The following CDH13 variants were observed in gnomAD, a reference collection of about 807,000 sequenced individuals.
CDH13 encodes the protein cadherin-13.
In CDH13, 24 loss-of-function variants were observed where a neutral mutation model predicts 63.8. The observed-to-expected ratio is 0.38, with a 90% confidence interval of 0.27 to 0.53. The LOEUF (loss-of-function observed/expected upper bound fraction) is 0.53, where lower values mean the gene tolerates loss of function less well. Among genes scored for constraint, CDH13 ranks in the 20% least tolerant of loss-of-function variants. The pLI is 0.85. For missense variants in CDH13, 1,049 were observed against 903.1 expected (o/e 1.16, Z -2.07); for synonymous variants, 503 against 355.3 (o/e 1.42, Z -4.67).
intron 11 of CDH13, among the ~76,000 whole-genome samples, chr16:83,766,879 C>T (rs1272939025): frequency 6.6e-6 from 1 of 152,086 alleles, no homozygotes; most frequent in African/African-American, 2.4e-5. Context: ...GTTTTATAAG[C>T]ATCTGGCATT....
chr16:83,345,086 T>G (rs1044248478), intron 6 of CDH13, 80 bp downstream of exon 6: 2 of 1,478,962 alleles, frequency 1.4e-6, no homozygotes, highest in African/African-American at 1.4e-5. Context: ...AGGGACTGTC[T>G]TATGGCTGTT....
intron 1 of CDH13, among the ~76,000 whole-genome samples, chr16:82,671,654 T>A (rs192176690): frequency 6.6e-6 from 1 of 152,294 alleles, no homozygotes; most frequent in African/African-American, 2.4e-5. Context: ...GCCCAGATAG[T>A]GATGAAAATG....
At chr16:83,734,420 AC>A (rs1448484732) in intron 10 of CDH13, among the ~76,000 whole-genome samples, 1 of 152,090 alleles carries the variant, frequency 6.6e-6, no homozygotes, top group East Asian at 1.9e-4. Flanking sequence ...AGGAAATGTA[AC>A]CGTGTTTGGG....
In CDH13 at chr16:83,670,932, C is replaced by T. The variant is rs1914444435; in HGVS notation, c.1244C>T (p.Thr415Ile). 2 of 1,609,894 alleles carry T rather than the reference C, an allele frequency of 1.2e-6. No individual in the cohort carries two copies. The highest frequency in any genetic ancestry group is 1.7e-6 in the Non-Finnish European group (2 of 1,176,968). The change falls in exon 9 of 14, where the codon ACC (threonine) becomes ATC (isoleucine). Residue 415 changes from threonine to isoleucine, a missense_variant. Thr to Ile is a moderately conservative substitution (Grantham distance 89). Coordinates refer to ENST00000567109, the MANE Select transcript of CDH13 (RefSeq NM_001257.5). ...CCCGGGCAGAGCTTTGAAATCCACA[C>T]CAACCCTCAAACCAACGAAGGGATG... is the stretch of plus-strand genomic sequence containing the variant. ...GNPGQSFEIH[T>I]NPQTNEGMLS...
chr16:83,412,391 G>C (rs1349327356), intron 6 of CDH13, among the ~76,000 whole-genome samples: 6 of 152,288 alleles, frequency 3.9e-5, no homozygotes, highest in African/African-American at 1.4e-4. Flanking sequence ...GAACCTAGGA[G>C]GCAGAGGTTG....
intron 1 of CDH13, chr16:82,825,434 A>C (rs879886442): frequency 2.0e-5 from 3 of 152,218 alleles, no homozygotes; most frequent in Non-Finnish European, 4.4e-5. Flanking sequence ...TGATACTTCA[A>C]AAAAACAAAA....
At chr16:82,807,226 T>A (rs962904094) in intron 1 of CDH13, among the ~76,000 whole-genome samples, 3 of 152,204 alleles carry the variant, frequency 2.0e-5, no homozygotes, top group African/African-American at 7.2e-5. Flanking sequence ...TTAAGTAACG[T>A]GCTATAATTG....
At chr16:83,455,401 G>C (rs1028569666) in intron 6 of CDH13, among the ~76,000 whole-genome samples, 1 of 152,164 alleles carries the variant, frequency 6.6e-6, no homozygotes, top group Non-Finnish European at 1.5e-5. Flanking sequence ...GGCTCTGGGG[G>C]ATGAGTCGCA....
rs375074062 is a variant in CDH13 at position 83,424,663 on chromosome 16, T to C, written c.782-61814T>C. 2.6e-5 allele frequency among the ~76,000 whole-genome samples: 4 copies of C among 152,360 alleles called. No homozygotes were observed. The East Asian group carries it at 5.8e-4, about 22-fold the overall frequency. ...AATTACACATTTTCATAAATGGTTT[T>C]GCAAGAATGAAAAAGTAATCTTTAG... On this transcript the variant is annotated intron_variant, in intron 6 of 13. Coordinates refer to ENST00000567109, the MANE Select transcript of CDH13 (RefSeq NM_001257.5).
intron 3 of CDH13, among the ~76,000 whole-genome samples, chr16:83,041,671 G>A (rs559279911): frequency 1.5e-4 from 23 of 152,178 alleles, no homozygotes; most frequent in Admixed American, 6.5e-4. Flanking sequence ...GATATTTAGC[G>A]AAAATTTTTG....
intron 3 of CDH13, among the ~76,000 whole-genome samples, chr16:83,064,510 G>A (rs529008247): frequency 6.6e-6 from 1 of 152,118 alleles, no homozygotes; most frequent in South Asian, 2.1e-4. Flanking sequence ...AAAGAAAAAG[G>A]AAAATTAATA....
chr16:82,882,174 T>G (rs2040726421), intron 2 of CDH13, among the ~76,000 whole-genome samples: 1 of 152,218 alleles, frequency 6.6e-6, no homozygotes, highest in Admixed American at 6.5e-5. Context: ...TTTTATGAGT[T>G]ACTGCCATGG....
intron 2 of CDH13, among the ~76,000 whole-genome samples, chr16:83,028,623 C>A (rs1318551108): frequency 6.6e-6 from 1 of 152,194 alleles, no homozygotes; most frequent in Non-Finnish European, 1.5e-5. Context: ...TTGTCCTATA[C>A]ATACATAGCT....
intron 5 of CDH13, among the ~76,000 whole-genome samples, chr16:83,218,895 A>G (rs1010882108): frequency 6.6e-6 from 1 of 152,144 alleles, no homozygotes; most frequent in African/African-American, 2.4e-5. Context: ...TGATGGTTTT[A>G]TGAATGGGAG....
intron 4 of CDH13, among the ~76,000 whole-genome samples, chr16:83,193,282 TTTA>T (rs1169493551): frequency 6.6e-6 from 1 of 151,480 alleles, no homozygotes; most frequent in East Asian, 1.9e-4. Context: ...CCAGGTGGAT[TTTA>T]TTCCTATTTT....
chr16:83,169,576 T>C (rs2037835575), intron 4 of CDH13, among the ~76,000 whole-genome samples: 1 of 151,678 alleles, frequency 6.6e-6, no homozygotes, highest in Non-Finnish European at 1.5e-5. Flanking sequence ...TTTTTGTTTC[T>C]CCATGTCTTG....
chr16:82,800,860 G>A (rs1433785183), intron 1 of CDH13, among the ~76,000 whole-genome samples: 3 of 152,152 alleles, frequency 2.0e-5, no homozygotes, highest in Non-Finnish European at 2.9e-5. Flanking sequence ...TTTGTAGTCA[G>A]TATTCAATTA....
intron 10 of CDH13, among the ~76,000 whole-genome samples, chr16:83,742,438 T>C (rs1441519073): frequency 2.0e-5 from 3 of 152,246 alleles, no homozygotes; most frequent in South Asian, 2.1e-4. Context: ...ATTTTTTTTT[T>C]CCTGTAACAA....
At chr16:82,639,261 C>A in intron 1 of CDH13, 1 of 716,712 alleles carries the variant, frequency 1.4e-6, no homozygotes, top group Non-Finnish European at 2.2e-6. Context: ...TGGGTCTGGG[C>A]CCTGGACTTC....
Sources: gnomAD v4.1 joint callset for allele counts (sites outside exome capture counted in the v4.1 genomes callset) on GRCh38, gnomAD v4.1.1 for gene constraint, MANE v1.5 for transcripts, NCBI Gene and HGNC (gene_info 2026-07-23, HGNC 2026-07-21) for gene names.